BRD7: variants seen among roughly 807,000 people sequenced by gnomAD.
BRD7 encodes bromodomain-containing protein 7.
A neutral mutation model predicts 82.1 loss-of-function variants in BRD7; 15 were observed. The ratio of observed to expected loss-of-function variants is 0.18; its 90% CI spans 0.12 to 0.28. BRD7 has a LOEUF of 0.28. Among genes scored for constraint, BRD7 ranks in the 10% least tolerant of loss-of-function variants. The pLI is 1.00. For missense variants in BRD7, 638 were observed against 779.9 expected (o/e 0.82, Z 2.17); for synonymous variants, 232 against 266.9 (o/e 0.87, Z 1.27).
chr16:50,367,840 G>A (rs536764433), intron 2 of BRD7, among the ~76,000 whole-genome samples: 15 of 152,290 alleles, frequency 9.8e-5, no homozygotes, highest in African/African-American at 3.6e-4. Flanking sequence ...ATTCTTTGAA[G>A]CAGCTCCTCA....
chr16:50,321,542 G>A (rs577270712), intron 13 of BRD7, among the ~76,000 whole-genome samples: 18 of 127,664 alleles, frequency 1.4e-4, no homozygotes, highest in Admixed American at 6.0e-4. Flanking sequence ...ACTCCAGCCT[G>A]GGCAACAGAG....
chr16:50,337,256 C>CTTTTTTTTT (rs71138063), intron 6 of BRD7, among the ~76,000 whole-genome samples: 2 of 93,252 alleles, frequency 2.1e-5, no homozygotes, highest in Non-Finnish European at 2.0e-5. Context: ...GTTCATTCTT[C>CTTTTTTTTT]TTTTTTTTTT....
chr16:50,332,984 G>T (rs901052085), intron 8 of BRD7, among the ~76,000 whole-genome samples: 1 of 152,132 alleles, frequency 6.6e-6, no homozygotes, highest in African/African-American at 2.4e-5. Flanking sequence ...ATGCTAAAAG[G>T]GGGCAGGGAG....
chr16:50,363,717 C>T (rs928887687), intron 2 of BRD7, among the ~76,000 whole-genome samples: 1 of 151,926 alleles, frequency 6.6e-6, no homozygotes, highest in African/African-American at 2.4e-5. Flanking sequence ...TCCTAAGTAA[C>T]AGATTCCTAA....
chr16:50,351,002 T>A (rs767548851), intron 4 of BRD7, among the ~76,000 whole-genome samples: 14 of 152,332 alleles, frequency 9.2e-5, no homozygotes, highest in Admixed American at 2.0e-4. Context: ...AGGTTGAGAA[T>A]GAGTGCTTTA....
chr16:50,366,519 T>C (rs1048715272), intron 2 of BRD7, among the ~76,000 whole-genome samples: 3 of 152,260 alleles, frequency 2.0e-5, no homozygotes, highest in African/African-American at 7.2e-5. Flanking sequence ...ATTTGCATAC[T>C]ATACTTGTCT....
intron 14 of BRD7, 86 bp downstream of exon 14, chr16:50,320,577 G>C: frequency 2.9e-6 from 4 of 1,370,624 alleles, no homozygotes; most frequent in Non-Finnish European, 4.2e-6. Context: ...GTGGTGAATG[G>C]CTATGTTAAT....
At chr16:50,347,247 G>A (rs1949228682) in intron 5 of BRD7, among the ~76,000 whole-genome samples, 1 of 152,192 alleles carries the variant, frequency 6.6e-6, no homozygotes, top group Admixed American at 6.5e-5. Flanking sequence ...ACTAGGTATT[G>A]ATAGGACATA....
rs956509845 is a variant in BRD7, at chr16:50,320,106, T to C, written c.1757-76A>G. 5.9e-6 allele frequency: 9 copies of C among 1,525,218 alleles called. No individual in the cohort carries two copies. The African/African-American group carries it at 8.4e-5, about 14-fold the overall frequency. The allele number at this position is 1,525,218 out of a possible 1,614,324, so 94.5% of individuals were successfully genotyped here. On this transcript the variant is annotated intron_variant, in intron 15 of 16. Transcript: ENST00000394688. Reference sequence around the variant, plus strand: ...GAGGCATCCCAAAGAACAGTAAATGTACACATGCAAAGAAAACAAAACAAA... The same window carrying C: ...GAGGCATCCCAAAGAACAGTAAATGCACACATGCAAAGAAAACAAAACAAA...
intron 4 of BRD7, among the ~76,000 whole-genome samples, chr16:50,351,156 A>C (rs1483075111): frequency 1.3e-5 from 2 of 152,220 alleles, no homozygotes; most frequent in African/African-American, 4.8e-5. Context: ...TGCTAGTCCC[A>C]GTGGTAGGCA....
At chr16:50,355,131 C>A (rs1180825005) in intron 2 of BRD7, among the ~76,000 whole-genome samples, 2 of 152,040 alleles carry the variant, frequency 1.3e-5, no homozygotes, top group Non-Finnish European at 2.9e-5. Flanking sequence ...CAGAAATAAC[C>A]AGTTAGAAAA....
At chr16:50,349,436 A>AG in intron 5 of BRD7, 1 of 376,754 alleles carries the variant, frequency 2.7e-6, no homozygotes, top group Non-Finnish European at 5.3e-6. Context: ...AAAAAAAAAA[A>AG]GAAAGTGTGT....
intron 4 of BRD7, among the ~76,000 whole-genome samples, chr16:50,354,001 T>C (rs1300789939): frequency 6.6e-6 from 1 of 152,232 alleles, no homozygotes; most frequent in East Asian, 1.9e-4. Context: ...TTTCTGCATT[T>C]AAAAGAAGGC....
Position 50,368,979 on chromosome 16 carries a change from C to CG in BRD7, c.-206dup, listed in dbSNP as rs71138065. ...CCCGGCCGGAGCCCGAGAGCGGCGG[C>CG]GGGGGGGGCGCGCGGCCGGCGCAGA... On this transcript the variant is annotated 5_prime_UTR_variant, in exon 1 of 17. Coordinates refer to ENST00000394688, the MANE Select transcript of BRD7 (RefSeq NM_013263.5). 4.2e-3 allele frequency: 626 copies of CG among 149,726 alleles called. 3 individuals carry two copies. Among genetic ancestry groups the CG allele is most frequent in the African/African-American group, 0.011 (434 of 40,300 alleles). The allele number at this position is 149,726 out of a possible 1,614,324, so 9.3% of individuals were successfully genotyped here.
chr16:50,320,508 T>A, intron 14 of BRD7, 117 bp from the exon 15 acceptor site: 2 of 1,481,836 alleles, frequency 1.3e-6, no homozygotes, highest in Non-Finnish European at 1.9e-6. Context: ...AGTAATCCGC[T>A]TGAAATGACA....
chr16:50,358,747 T>C (rs1197306563), intron 2 of BRD7, among the ~76,000 whole-genome samples: 2 of 152,172 alleles, frequency 1.3e-5, no homozygotes, highest in African/African-American at 4.8e-5. Context: ...CGTAACCACT[T>C]TATCATTCAG....
At chr16:50,322,070 A>G in intron 12 of BRD7, 32 bp from the exon 13 acceptor site, 1 of 1,544,702 alleles carries the variant, frequency 6.5e-7, no homozygotes, top group Non-Finnish European at 8.8e-7. Flanking sequence ...GCTTTTTAGG[A>G]AAACACATGA....
chr16:50,321,842 T>C (rs1240668018), intron 13 of BRD7, 140 bp downstream of exon 13: 47 of 726,998 alleles, frequency 6.5e-5, no homozygotes, highest in Non-Finnish European at 7.0e-6. Context: ...ATTTATGGTT[T>C]GCCATTTCAG....
intron 16 of BRD7, among the ~76,000 whole-genome samples, chr16:50,319,628 TGAAAA>T (rs2036985858): frequency 6.6e-6 from 1 of 151,834 alleles, no homozygotes; most frequent in Non-Finnish European, 1.5e-5. Flanking sequence ...CAACAAACAA[TGAAAA>T]AAATATAAAA....
Sources: gnomAD v4.1 joint callset for allele counts (sites outside exome capture counted in the v4.1 genomes callset) on GRCh38, gnomAD v4.1.1 for gene constraint, MANE v1.5 for transcripts, NCBI Gene and HGNC (gene_info 2026-07-23, HGNC 2026-07-21) for gene names.